Variants in CAPN2 observed in about 807,000 individuals in gnomAD.
CAPN2 encodes the protein calpain-2 catalytic subunit.
Under a neutral mutation model 102.3 loss-of-function variants are expected in CAPN2, and 92 were observed. That is an observed-to-expected ratio of 0.90 (90% CI 0.76 to 1.07). CAPN2 has a LOEUF of 1.07. CAPN2 is among the 50% of genes least tolerant of loss of function. The probability of loss-of-function intolerance (pLI) is 0.00; values close to 1 mark genes in which losing one functional copy is unlikely to be tolerated. For synonymous variants in CAPN2, 340 were observed against 355.4 expected (o/e 0.96, Z 0.49); for missense variants, 800 against 909.4 (o/e 0.88, Z 1.55).
chr1:223,753,413 A>C (rs544790230), intron 9 of CAPN2, among the ~76,000 whole-genome samples: 22 of 152,086 alleles, frequency 1.4e-4, no homozygotes, highest in African/African-American at 5.1e-4. Context: ...GTTGCCCCAT[A>C]CTCACTTCAA....
intron 2 of CAPN2, among the ~76,000 whole-genome samples, chr1:223,734,517 G>A (rs780388073): frequency 4.6e-5 from 7 of 151,934 alleles, no homozygotes; most frequent in African/African-American, 1.5e-4. Flanking sequence ...GAAGAGTTTC[G>A]GAAGGCTCAA....
chr1:223,772,291 C>A, intron 20 of CAPN2, 52 bp downstream of exon 20: 1 of 1,496,536 alleles, frequency 6.7e-7, no homozygotes, highest in Non-Finnish European at 9.3e-7. Context: ...AGGCATGGGG[C>A]GGAAAGGGCT....
chr1:223,770,641 C>A, intron 18 of CAPN2, 116 bp downstream of exon 18: 1 of 681,328 alleles, frequency 1.5e-6, no homozygotes, highest in East Asian at 2.9e-5. Flanking sequence ...AAAGTAGGTG[C>A]TGGTTTAATA....
At chr1:223,717,197 C>T (rs982258100) in intron 1 of CAPN2, among the ~76,000 whole-genome samples, 8 of 152,084 alleles carry the variant, frequency 5.3e-5, no homozygotes, top group Non-Finnish European at 1.2e-4. Context: ...CAGAGTAATA[C>T]CTAAGTAGTA....
rs1472269301 is a variant in CAPN2 at position 223,752,868 on chromosome 1, C to A, written c.1047C>A (p.Thr349=). 4 of 1,614,006 alleles carry A rather than the reference C, an allele frequency of 2.5e-6. No individual in the cohort carries two copies. Among genetic ancestry groups the A allele is most frequent in the Non-Finnish European group, 3.4e-6 (4 of 1,179,994 alleles). Residue 349 remains threonine, a synonymous_variant, in exon 9 of 21, where the codon ACC becomes ACA. Transcript: ENST00000295006. ...GTAACCTGACCCCAGACACTCTCAC[C>A]AGCGATACCTACAAGAAGTGGAAAC... is the stretch of plus-strand genomic sequence containing the variant. ...EICNLTPDTL[T]SDTYKKWKLT...
upstream of CAPN2, chr1:223,712,320 G>A: frequency 2.5e-6 from 1 of 401,014 alleles, no homozygotes; most frequent in Non-Finnish European, 3.4e-6. Context: ...ACTCTGGACC[G>A]CGATTCGCGA....
intron 6 of CAPN2, among the ~76,000 whole-genome samples, chr1:223,749,788 G>T (rs1271642404): frequency 6.6e-6 from 1 of 152,156 alleles, no homozygotes; most frequent in Non-Finnish European, 1.5e-5. Context: ...ACCGAGGTGG[G>T]AGGATCACTC....
upstream of CAPN2, among the ~76,000 whole-genome samples, chr1:223,709,011 G>C (rs1350053896): frequency 2.0e-5 from 3 of 152,168 alleles, no homozygotes; most frequent in Admixed American, 6.6e-5. Context: ...AGCAAGTGGA[G>C]ATAAGCAGAC....
intron 1 of CAPN2, among the ~76,000 whole-genome samples, chr1:223,714,781 C>G (rs1659833081): frequency 1.3e-5 from 2 of 152,162 alleles, no homozygotes; most frequent in Admixed American, 1.3e-4. Context: ...ATGCTGGGCA[C>G]AATGCATATG....
At position 223,751,913 on chromosome 1, in the gene CAPN2, G is replaced by A. The variant is rs1419997737; in HGVS notation, c.900-84G>A. The stretch of plus-strand genomic sequence containing the variant: ...GGAGCCTGAGCCCTCAGAGGTGAGA[G>A]CAGATGTCCCTCTTCCTCAACTCTG... On this transcript the variant is annotated intron_variant, in intron 7 of 20. Transcript: ENST00000295006. 5.8e-6 allele frequency: 5 copies of A among 860,462 alleles called. No homozygotes were observed. The Admixed American group carries it at 1.1e-4, about 19-fold the overall frequency. 53.3% of individuals were successfully genotyped at this position (860,462 alleles called of 1,614,324 possible).
chr1:223,739,212 C>A (rs893829282), intron 2 of CAPN2, among the ~76,000 whole-genome samples: 1 of 137,712 alleles, frequency 7.3e-6, no homozygotes, highest in African/African-American at 2.7e-5. Context: ...TAGACAGAGT[C>A]TCACTCTGTG....
At chr1:223,728,096 G>T (rs930025185) in intron 2 of CAPN2, among the ~76,000 whole-genome samples, 4 of 151,884 alleles carry the variant, frequency 2.6e-5, no homozygotes, top group Non-Finnish European at 4.4e-5. Context: ...AGACTCCCAA[G>T]CACAAGCTCC....
Position 223,715,577 on chromosome 1 carries a change from T to C in CAPN2, c.238-2185T>C, listed in dbSNP as rs1016594391. On this transcript the variant is annotated intron_variant, in intron 1 of 20. Transcript: ENST00000295006. ...GAGGATTTCACAACACTGGCAAGAG[T>C]GGCTCCAGTGCCTGGAGCGGGGATT... 7.9e-5 allele frequency among the ~76,000 whole-genome samples: 12 copies of C among 151,632 alleles called. No individual in the cohort carries two copies. In the East Asian group the frequency reaches 1.2e-3, roughly 15 times the overall value.
At chr1:223,709,805 G>T (rs942282866), upstream of CAPN2, among the ~76,000 whole-genome samples, 1 of 152,160 alleles carries the variant, frequency 6.6e-6, no homozygotes, top group African/African-American at 2.4e-5. Flanking sequence ...CAAAAAACTG[G>T]TCTCTCTACA....
rs28370104 is a variant in CAPN2 at position 223,757,602 on chromosome 1, T to A, written c.1317+222T>A. 1,012 of 568,514 alleles carry A rather than the reference T, an allele frequency of 1.8e-3. 13 individuals carry two copies. The highest frequency in any genetic ancestry group is 0.017 in the African/African-American group (903 of 53,448). 35.2% of individuals were successfully genotyped at this position (568,514 alleles called of 1,614,324 possible). On this transcript the variant is annotated intron_variant, in intron 11 of 20. Coordinates refer to ENST00000295006, the MANE Select transcript of CAPN2 (RefSeq NM_001748.5). ...GAAAGTCCTTGTGGGACCCGCTGCC[T>A]CCCTGTGACCTGGCAGAGCCCATAC...
At chr1:223,717,114 G>A (rs1381242404) in intron 1 of CAPN2, among the ~76,000 whole-genome samples, 1 of 152,188 alleles carries the variant, frequency 6.6e-6, no homozygotes, top group East Asian at 1.9e-4. Context: ...GATGCTGTAA[G>A]TTTCATGGTC....
chr1:223,771,727 C>T (rs1661475395), intron 18 of CAPN2, 82 bp from the exon 19 acceptor site: 1 of 868,400 alleles, frequency 1.2e-6, no homozygotes, highest in Non-Finnish European at 2.0e-6. Flanking sequence ...TAAATCACCA[C>T]ATTAGTTTCA....
At chr1:223,748,980 G>C in intron 5 of CAPN2, 59 bp from the exon 6 acceptor site, 7 of 1,478,524 alleles carry the variant, frequency 4.7e-6, no homozygotes, top group Non-Finnish European at 6.6e-6. Flanking sequence ...GAGGGAGCGA[G>C]GGAGTCCGGG....
At chr1:223,741,462 A>T (rs1407049852) in intron 2 of CAPN2, among the ~76,000 whole-genome samples, 3 of 144,080 alleles carry the variant, frequency 2.1e-5, no homozygotes, top group African/African-American at 7.9e-5. Flanking sequence ...ATATATATAT[A>T]TATATATTTG....
Sources: gnomAD v4.1 joint callset for allele counts (sites outside exome capture counted in the v4.1 genomes callset) on GRCh38, gnomAD v4.1.1 for gene constraint, MANE v1.5 for transcripts, NCBI Gene and HGNC (gene_info 2026-07-23, HGNC 2026-07-21) for gene names.